The following ANPEP variants were observed in gnomAD, a reference collection of about 807,000 sequenced individuals.
The protein encoded by ANPEP is alanyl aminopeptidase, membrane, also known as aminopeptidase N.
Under a neutral mutation model 114.6 loss-of-function variants are expected in ANPEP, and 70 were observed. The observed-to-expected ratio is 0.61, with a 90% CI of 0.50 to 0.75. The LOEUF is 0.75. ANPEP is among the 30% of genes least tolerant of loss of function. The pLI is 0.00. For synonymous variants in ANPEP, 548 were observed against 522.3 expected, an observed-to-expected ratio of 1.05 and a Z score of -0.67; for missense variants, 1,184 against 1,259.5, an observed-to-expected ratio of 0.94 and a Z score of 0.91.
chr15:89,812,177 C>T (rs931309753), intron 1 of ANPEP, among the ~76,000 whole-genome samples: 3 of 151,784 alleles, frequency 2.0e-5, no homozygotes, highest in Non-Finnish European at 4.4e-5. Flanking sequence ...CACCCGTGGC[C>T]GGGTGAGCTG....
intron 10 of ANPEP, 115 bp from the exon 11 acceptor site, chr15:89,801,722 T>C: frequency 8.0e-7 from 1 of 1,252,060 alleles, no homozygotes; most frequent in Admixed American, 2.3e-5. Flanking sequence ...ATGGGAGGCC[T>C]GGGAAGGGCA....
At position 89,793,034 on chromosome 15, in the gene ANPEP, C is replaced by T. The variant is rs1282135973; in HGVS notation, c.2249+1G>A. ...CCAAACCCATGAGAGCTCCCACTCA[C>T]TGGTCCATCAGGTTTTCTGGGATCT... On this transcript the variant is annotated splice_donor_variant, in intron 16 of 20. Transcript: ENST00000300060. LOFTEE classifies it high-confidence loss of function. The T allele has an allele frequency of 6.2e-7, 1 of 1,613,610 alleles. No individual in the cohort carries two copies.
chr15:89,797,824 C>A, intron 14 of ANPEP, 102 bp from the exon 15 acceptor site: 3 of 1,474,086 alleles, frequency 2.0e-6, no homozygotes, highest in Non-Finnish European at 9.3e-7. Flanking sequence ...CACCCCTAGG[C>A]CCCCTGTATC....
At chr15:89,797,393 C>G (rs1023751721) in intron 15 of ANPEP, 182 bp downstream of exon 15, 2 of 882,084 alleles carry the variant, frequency 2.3e-6, no homozygotes, top group African/African-American at 3.4e-5. Context: ...CTCGCTCTTT[C>G]ACCTGCGTGC....
chr15:89,801,719 G>A (rs1894596085), intron 10 of ANPEP, 112 bp from the exon 11 acceptor site: 6 of 1,278,410 alleles, frequency 4.7e-6, no homozygotes, highest in Non-Finnish European at 6.5e-6. Context: ...TGTATGGGAG[G>A]CCTGGGAAGG....
chr15:89,792,909 T>C (rs1166846466), intron 16 of ANPEP, 126 bp downstream of exon 16: 3 of 845,976 alleles, frequency 3.5e-6, no homozygotes, highest in Non-Finnish European at 3.9e-6. Flanking sequence ...TCCCTGCTCC[T>C]GGGTGGGGGT....
At position 89,805,958 on chromosome 15, in the gene ANPEP, G is replaced by C; in HGVS notation, c.614+12C>G. ...CGGATCCACCCCACCGGGCAGCCCA[G>C]CCGGAACTCACTTTCTGACATTGCC... On this transcript the variant is annotated intron_variant, in intron 2 of 20. Coordinates refer to ENST00000300060, the MANE Select transcript of ANPEP (RefSeq NM_001150.3). 6.4e-7 allele frequency: 1 copy of C among 1,574,270 alleles called. No individual in the cohort carries two copies. The highest frequency in any genetic ancestry group is 8.7e-7 in the Non-Finnish European group (1 of 1,155,890).
At chr15:89,805,902 G>A in intron 2 of ANPEP, 68 bp downstream of exon 2, 1 of 1,530,994 alleles carries the variant, frequency 6.5e-7, no homozygotes, top group African/African-American at 1.4e-5. Flanking sequence ...TCCTTCCTTG[G>A]CCCTCAGAAT....
intron 12 of ANPEP, among the ~76,000 whole-genome samples, chr15:89,800,013 C>T (rs1894555405): frequency 6.6e-6 from 1 of 151,902 alleles, no homozygotes; most frequent in African/African-American, 2.4e-5. Flanking sequence ...CCCCCTCCTC[C>T]CTCACTCCTC....
intron 15 of ANPEP, among the ~76,000 whole-genome samples, chr15:89,795,650 A>G (rs1003225419): frequency 6.6e-6 from 1 of 152,210 alleles, no homozygotes; most frequent in African/African-American, 2.4e-5. Flanking sequence ...CAGAGAAATA[A>G]TTTCCCACCT....
At position 89,785,137 on chromosome 15, in the gene ANPEP, CA is replaced by C. The variant is rs750417831; in HGVS notation, c.*211del. ...CATGCCAGGCCTAGGGCGGGGTTGG[CA>C]TGAGGGGCAGGGGCTGGGAGGTGCT... is the stretch of plus-strand genomic sequence containing the variant. On this transcript the variant is annotated 3_prime_UTR_variant, in exon 21 of 21. Transcript: ENST00000300060. 3.4e-6 allele frequency: 2 copies of C among 596,086 alleles called. No individual in the cohort carries two copies. The highest frequency in any genetic ancestry group is 5.8e-6 in the Non-Finnish European group (2 of 347,544). The allele number at this position is 596,086 out of a possible 1,614,324, so 36.9% of individuals were successfully genotyped here. A position where few individuals can be genotyped will look rare whatever the true frequency, so the allele number is the denominator to read the frequency against.
intron 1 of ANPEP, among the ~76,000 whole-genome samples, chr15:89,814,351 G>A (rs1894869915): frequency 6.6e-6 from 1 of 152,148 alleles, no homozygotes; most frequent in Admixed American, 6.5e-5. Context: ...CCACAGGCGG[G>A]CCGGGTTCGC....
rs900294961 is a variant in ANPEP, at chr15:89,785,103, G to A, written c.*246C>T. The A allele has an allele frequency of 2.9e-5, 14 of 489,524 alleles. No homozygotes were observed. The highest frequency in any genetic ancestry group is 1.8e-4 in the African/African-American group (9 of 51,390). 30.3% of individuals were successfully genotyped at this position (489,524 alleles called of 1,614,324 possible). The stretch of plus-strand genomic sequence containing the variant: ...TGAGATCAGCCCCAGGGCACTGGGC[G>A]ACAGGTGCCATGCCAGGCCTAGGGC... On this transcript the variant is annotated 3_prime_UTR_variant, in exon 21 of 21. Coordinates refer to ENST00000300060, the MANE Select transcript of ANPEP (RefSeq NM_001150.3).
intron 1 of ANPEP, among the ~76,000 whole-genome samples, chr15:89,811,249 C>T (rs12441282): frequency 0.3 from 45,721 of 152,164 alleles, 7,219 homozygotes; most frequent in East Asian, 0.56. Flanking sequence ...TTATTTACTT[C>T]GTATTTTTCT....
Position 89,805,187 on chromosome 15 carries a change from T to C in ANPEP, c.788A>G (p.Asn263Ser). ...GPSTPLPEDP[N>S]WNVTEFHTTP... is the part of the protein sequence containing the mutation. ...GGTGTGGAACTCAGTGACATTCCAG[T>C]TGGGGTCTTCTGGAAGTGGGGTGCT... Residue 263 changes from asparagine to serine, a missense_variant, in exon 4 of 21, where the codon AAC becomes AGC. Asn to Ser is a conservative substitution (Grantham distance 46). Transcript: ENST00000300060. 6.2e-7 allele frequency: 1 copy of C among 1,614,104 alleles called. No individual in the cohort carries two copies. The highest frequency in any genetic ancestry group is 8.5e-7 in the Non-Finnish European group (1 of 1,180,008).
chr15:89,791,536 C>A (rs574431188), intron 18 of ANPEP, among the ~76,000 whole-genome samples: 11 of 151,734 alleles, frequency 7.2e-5, no homozygotes, highest in Non-Finnish European at 1.0e-4. Context: ...CTGCCAGGTT[C>A]AAGTGATTCT....
At position 89,806,846 on chromosome 15, in the gene ANPEP, G is replaced by T; in HGVS notation, c.-223-40C>A. On this transcript the variant is annotated intron_variant, in intron 1 of 20. Transcript: ENST00000300060. This position sits in a 1 kb window ranked among gnomAD's most constrained non-coding sequence, Gnocchi z 5.7. ...CAGTGTCTGGTTACAGGCTGCAGGCGGCCTGGGATCAGGCCCGAGGGCTGA... is the reference window on the plus strand; with the variant it reads ...CAGTGTCTGGTTACAGGCTGCAGGCTGCCTGGGATCAGGCCCGAGGGCTGA... The T allele has an allele frequency of 2.0e-6, 1 of 489,330 alleles. No individual in the cohort carries two copies. Among genetic ancestry groups the T allele is most frequent in the Non-Finnish European group, 3.6e-6 (1 of 279,602 alleles). 30.3% of individuals were successfully genotyped at this position (489,330 alleles called of 1,614,324 possible). A position where few individuals can be genotyped will look rare whatever the true frequency, so the allele number is the denominator to read the frequency against.
rs1385238416 is a variant in ANPEP, at chr15:89,799,571, G to A, written c.1820-12C>T. ...GAGATCGTTCTGGGCTGTGGAGAGG[G>A]ACGAGACCTGGGCAGGGCTGCTCAG... is the stretch of plus-strand genomic sequence containing the variant. On this transcript the variant is annotated splice_polypyrimidine_tract_variant and intron_variant, in intron 12 of 20. Coordinates refer to ENST00000300060, the MANE Select transcript of ANPEP (RefSeq NM_001150.3). This position sits in a 1 kb window ranked among gnomAD's most constrained non-coding sequence, Gnocchi z 4.2. 6.2e-7 allele frequency: 1 copy of A among 1,614,036 alleles called. No homozygotes were observed. Among genetic ancestry groups the A allele is most frequent in the African/African-American group, 1.3e-5 (1 of 74,920 alleles).
At position 89,785,453 on chromosome 15, in the gene ANPEP, T is replaced by C. The variant is rs774293028; in HGVS notation, c.2800A>G (p.Thr934Ala). The change falls in exon 21 of 21, where the codon ACC becomes GCC. Residue 934 changes from threonine (T) to alanine (A), a missense_variant. By Grantham distance (58) the Thr-to-Ala change is moderately conservative. Coordinates refer to ENST00000300060, the MANE Select transcript of ANPEP (RefSeq NM_001150.3). ...DNEETGFGSG[T>A]RALEQALEKT... ...TCCAGGGCTTGCTCCAGGGCCCGGGTGCCTGAGCCGAAGCCTGTTTCCTCG... is the reference window on the plus strand; with the variant it reads ...TCCAGGGCTTGCTCCAGGGCCCGGGCGCCTGAGCCGAAGCCTGTTTCCTCG... 6 of 1,614,102 alleles carry C rather than the reference T, an allele frequency of 3.7e-6. No homozygotes were observed. Among genetic ancestry groups the C allele is most frequent in the Non-Finnish European group, 5.1e-6 (6 of 1,179,958 alleles).
Sources: gnomAD v4.1 joint callset for allele counts (sites outside exome capture counted in the v4.1 genomes callset) on GRCh38, gnomAD v4.1.1 for gene constraint, Gnocchi (gnomAD v3.1) non-coding constraint, MANE v1.5 for transcripts, NCBI Gene and HGNC (gene_info 2026-07-23, HGNC 2026-07-21) for gene names.